Variants in NUP50 observed in about 807,000 individuals in gnomAD.
The protein encoded by NUP50 is nuclear pore complex protein Nup50.
Under a neutral mutation model 36.8 loss-of-function variants are expected in NUP50, and 14 were observed. That is an observed-to-expected ratio of 0.38 (90% CI 0.25 to 0.59). The LOEUF is 0.59. Ranked by LOEUF, NUP50 falls within the 20% of genes least tolerant of loss-of-function variation. The probability of loss-of-function intolerance (pLI) is 0.63; values close to 1 mark genes in which losing one functional copy is unlikely to be tolerated. For synonymous variants in NUP50, 195 were observed against 210.8 expected (o/e 0.93, Z 0.65); for missense variants, 455 against 564.6 (o/e 0.81, Z 1.97).
intron 4 of NUP50, among the ~76,000 whole-genome samples, chr22:45,176,805 C>T (rs1052911901): frequency 2.6e-5 from 4 of 152,212 alleles, no homozygotes; most frequent in South Asian, 2.1e-4. Context: ...TGCAGTGGCG[C>T]GACCTCTGCT....
rs770255046 is a variant in NUP50, at chr22:45,181,419, T to C, written c.1085+52T>C. ...CATGTGTTTTGCAGGCATGGTGGCA[T>C]GCTTCAGGCTGGAGAATGTCCTCAC... On this transcript the variant is annotated intron_variant, in intron 6 of 7. Transcript: ENST00000347635. The C allele has an allele frequency of 5.9e-6, 7 of 1,187,018 alleles. No homozygotes were observed. The African/African-American group carries it at 1.2e-4, about 20-fold the overall frequency. The allele number at this position is 1,187,018 out of a possible 1,614,324, so 73.5% of individuals were successfully genotyped here.
intron 3 of NUP50, 96 bp downstream of exon 3, chr22:45,171,779 C>T (rs573935878): frequency 5.1e-6 from 5 of 972,574 alleles, no homozygotes; most frequent in Non-Finnish European, 6.5e-6. Context: ...TCAACAAATG[C>T]TTTCTTAAAA....
chr22:45,182,623 GTTTTT>G (rs550478534), intron 6 of NUP50, among the ~76,000 whole-genome samples: 1 of 95,942 alleles, frequency 1.0e-5, no homozygotes, highest in Admixed American at 1.4e-4. Flanking sequence ...CTTGAGGTTT[GTTTTT>G]TTTTTTTTTT....
Position 45,178,093 on chromosome 22 carries a change from T to G in NUP50, c.341-145T>G. 3 of 742,704 alleles carry G rather than the reference T, an allele frequency of 4.0e-6. No homozygotes were observed. The South Asian group carries it at 5.6e-5, about 14-fold the overall frequency. The allele number at this position is 742,704 out of a possible 1,614,324, so 46.0% of individuals were successfully genotyped here. A position where few individuals can be genotyped will look rare whatever the true frequency, so the allele number is the denominator to read the frequency against. On this transcript the variant is annotated intron_variant, in intron 4 of 7. Coordinates refer to ENST00000347635, the MANE Select transcript of NUP50 (RefSeq NM_007172.4). ...GTGAGCCAAGATCGTGCCACGGCAC[T>G]CCAGCCTGGGTGACAGAGCAAGACT... is the stretch of plus-strand genomic sequence containing the variant.
intron 4 of NUP50, among the ~76,000 whole-genome samples, chr22:45,176,500 T>C (rs1011167758): frequency 6.6e-5 from 10 of 152,180 alleles, no homozygotes; most frequent in Non-Finnish European, 1.2e-4. Flanking sequence ...GTGGCCAGGG[T>C]GCCTCCCACG....
At position 45,187,414 on chromosome 22, in the gene NUP50, A is replaced by G. The variant is rs1270595353; in HGVS notation, c.*2759A>G. On this transcript the variant is annotated 3_prime_UTR_variant, in exon 8 of 8. Coordinates refer to ENST00000347635, the MANE Select transcript of NUP50 (RefSeq NM_007172.4). ...CTAGATCACATTTTATATATGCTGC[A>G]TGCCAAAAAAAAAAAAAAGAGAAAA... The G allele has an allele frequency of 7.6e-6, 1 of 131,462 alleles. No individual in the cohort carries two copies. The highest frequency in any genetic ancestry group is 1.5e-5 in the Non-Finnish European group (1 of 65,468). The allele number at this position is 131,462 out of a possible 1,614,324, so 8.1% of individuals were successfully genotyped here. A position where few individuals can be genotyped will look rare whatever the true frequency, so the allele number is the denominator to read the frequency against.
At chr22:45,174,051 A>G (rs765833980) in intron 3 of NUP50, among the ~76,000 whole-genome samples, 19 of 152,198 alleles carry the variant, frequency 1.2e-4, no homozygotes, top group Non-Finnish European at 1.9e-4. Context: ...ATCTTGCCCT[A>G]TGGAAGAGAA....
At chr22:45,173,192 GTAAT>G (rs977476565) in intron 3 of NUP50, among the ~76,000 whole-genome samples, 4 of 152,142 alleles carry the variant, frequency 2.6e-5, no homozygotes, top group South Asian at 2.1e-4. Context: ...CTTGTGTTTT[GTAAT>G]TAATTAATTA....
At position 45,187,968 on chromosome 22, in the gene NUP50, G is replaced by A. The variant is rs933026608; in HGVS notation, c.*3313G>A. 3 of 152,692 alleles carry A rather than the reference G, an allele frequency of 2.0e-5. No individual in the cohort carries two copies. Among genetic ancestry groups the A allele is most frequent in the Non-Finnish European group, 2.9e-5 (2 of 68,050 alleles). 9.5% of individuals were successfully genotyped at this position (152,692 alleles called of 1,614,324 possible). The stretch of plus-strand genomic sequence containing the variant: ...GTTTTTGAATGCTCCCATCGAGGAA[G>A]TGTAACAATCCATGAAATGTGAATA... On this transcript the variant is annotated 3_prime_UTR_variant, in exon 8 of 8. Coordinates refer to ENST00000347635, the MANE Select transcript of NUP50 (RefSeq NM_007172.4).
Position 45,178,731 on chromosome 22 carries a change from T to C in NUP50, c.834T>C (p.Asp278=), listed in dbSNP as rs1367872520. 1 of 1,613,604 alleles carries C rather than the reference T, an allele frequency of 6.2e-7. No individual in the cohort carries two copies. The highest frequency in any genetic ancestry group is 2.2e-5 in the East Asian group (1 of 44,884). Residue 278 remains aspartate, a synonymous_variant, in exon 5 of 8, where the codon GAT becomes GAC. Transcript: ENST00000347635. ...SASFNFGKKV[D]SSVLGSLSSV... Reference sequence around the variant, plus strand: ...CATTTAATTTCGGCAAGAAAGTTGATAGCTCTGTTTTGGGCTCATTAAGCT... The same window carrying C: ...CATTTAATTTCGGCAAGAAAGTTGACAGCTCTGTTTTGGGCTCATTAAGCT...
At chr22:45,174,762 C>T (rs936376650) in intron 3 of NUP50, among the ~76,000 whole-genome samples, 3 of 152,198 alleles carry the variant, frequency 2.0e-5, no homozygotes, top group Admixed American at 2.0e-4. Context: ...GCAACAGAAT[C>T]TAAGCTCTGT....
intron 4 of NUP50, chr22:45,178,017 T>C: frequency 1.9e-6 from 1 of 513,976 alleles, no homozygotes; most frequent in South Asian, 2.3e-5. Flanking sequence ...TCCCACCTAC[T>C]CGGGAGGTTG....
intron 6 of NUP50, among the ~76,000 whole-genome samples, chr22:45,182,330 GT>G (rs1244480545): frequency 6.6e-6 from 1 of 151,986 alleles, no homozygotes; most frequent in Non-Finnish European, 1.5e-5. Context: ...AATCCCAGCT[GT>G]TTGGGAGGCT....
At position 45,184,733 on chromosome 22, in the gene NUP50, CTCT is replaced by C. The variant is rs1450043947; in HGVS notation, c.*83_*85del. 15 of 1,072,178 alleles carry C rather than the reference CTCT, an allele frequency of 1.4e-5. No individual in the cohort carries two copies. The highest frequency in any genetic ancestry group is 4.0e-5 in the South Asian group (3 of 74,502). The allele number at this position is 1,072,178 out of a possible 1,614,324, so 66.4% of individuals were successfully genotyped here. ...CCCTTAAAGTTAGTCAGTTTTTCTT[CTCT>C]TCTTTGACATTCTAAGAACTTATAG... is the stretch of plus-strand genomic sequence containing the variant. On this transcript the variant is annotated 3_prime_UTR_variant, in exon 8 of 8. Transcript: ENST00000347635.
At chr22:45,175,691 G>T (rs1569049505) in intron 3 of NUP50, 1 of 472,662 alleles carries the variant, frequency 2.1e-6, no homozygotes, top group East Asian at 3.4e-5. Context: ...TTTCAGGAAA[G>T]CAGCTTTGGG....
In NUP50 at chr22:45,171,202, T is replaced by C. The variant is rs1161300727; in HGVS notation, c.70-398T>C. The C allele has an allele frequency of 7.1e-6, 8 of 1,131,042 alleles. No homozygotes were observed. In the East Asian group the frequency reaches 4.5e-4, roughly 64 times the overall value. 70.1% of individuals were successfully genotyped at this position (1,131,042 alleles called of 1,614,324 possible). A position where few individuals can be genotyped will look rare whatever the true frequency, so the allele number is the denominator to read the frequency against. On this transcript the variant is annotated intron_variant, in intron 2 of 7. Coordinates refer to ENST00000347635, the MANE Select transcript of NUP50 (RefSeq NM_007172.4). ...TGTATGTTATAAATAACAAAATTTA[T>C]TTATTTATTTTTTTGAGACAGTCTT...
intron 3 of NUP50, among the ~76,000 whole-genome samples, chr22:45,174,371 C>G (rs1022621551): frequency 3.3e-5 from 5 of 152,050 alleles, no homozygotes; most frequent in African/African-American, 1.2e-4. Context: ...GACAGGGGGT[C>G]TCACTCTGTT....
rs1354234973 is a variant in NUP50 at position 45,185,695 on chromosome 22, T to C, written c.*1040T>C. ...TATAATACATTTGATATCTGAAATA[T>C]CTTTACTTTTTTAAGAGTAAGATTC... On this transcript the variant is annotated 3_prime_UTR_variant, in exon 8 of 8. Coordinates refer to ENST00000347635, the MANE Select transcript of NUP50 (RefSeq NM_007172.4). 1 of 152,210 alleles carries C rather than the reference T, an allele frequency of 6.6e-6. No homozygotes were observed. Among genetic ancestry groups the C allele is most frequent in the Non-Finnish European group, 1.5e-5 (1 of 68,036 alleles). 9.4% of individuals were successfully genotyped at this position (152,210 alleles called of 1,614,324 possible).
chr22:45,166,724 A>T (rs1231596364), intron 1 of NUP50, among the ~76,000 whole-genome samples: 1 of 152,132 alleles, frequency 6.6e-6, no homozygotes, highest in Non-Finnish European at 1.5e-5. Context: ...ACAGTAAAGA[A>T]TTATGTCTAT....
Sources: allele counts gnomAD v4.1 joint callset (sites outside exome capture counted in the v4.1 genomes callset), GRCh38; gene constraint gnomAD v4.1.1; transcripts MANE v1.5; gene names NCBI Gene and HGNC (gene_info 2026-07-23, HGNC 2026-07-21).